The following AFF1 variants were observed in gnomAD, a reference collection of about 807,000 sequenced individuals.
AFF1 encodes ALF transcription elongation factor 1.
In AFF1, 48 loss-of-function variants were observed where a neutral mutation model predicts 121.7. The ratio of observed to expected loss-of-function variants is 0.39; its 90% confidence interval spans 0.31 to 0.50. The LOEUF is 0.50. Among genes scored for constraint, AFF1 ranks in the 20% least tolerant of loss-of-function variants. The pLI is 0.76. For missense variants in AFF1, 1,523 were observed against 1,511.7 expected (o/e 1.01, Z -0.12); for synonymous variants, 613 against 563.0 (o/e 1.09, Z -1.26).
In AFF1 at chr4:87,046,739, G is replaced by C; in HGVS notation, c.204G>C (p.Leu68Phe). ...DELSSRIQNMLGNYEEVKEFL... is the reference protein window; with the variant it reads ...DELSSRIQNMFGNYEEVKEFL... ...TGTCTAGTCGAATACAGAACATGTTGGGAAACTACGAAGAAGTGAAGGAGT... is the reference window on the plus strand; with the variant it reads ...TGTCTAGTCGAATACAGAACATGTTCGGAAACTACGAAGAAGTGAAGGAGT... Residue 68 changes from leucine to phenylalanine, a missense_variant, in exon 4 of 21, where the codon TTG (leucine) becomes TTC (phenylalanine). By Grantham distance (22) the Leu-to-Phe change is conservative. Transcript: ENST00000395146. 6.2e-7 allele frequency: 1 copy of C among 1,613,938 alleles called. No individual in the cohort carries two copies. The highest frequency in any genetic ancestry group is 1.3e-5 in the African/African-American group (1 of 74,940).
chr4:86,980,810 A>C (rs951238697), intron 2 of AFF1, among the ~76,000 whole-genome samples: 4 of 152,194 alleles, frequency 2.6e-5, no homozygotes, highest in African/African-American at 9.7e-5. Flanking sequence ...CTTACTTTGG[A>C]ACTATTAAAT....
chr4:87,028,631 G>A (rs561567933), intron 2 of AFF1, among the ~76,000 whole-genome samples: 1 of 152,250 alleles, frequency 6.6e-6, no homozygotes, highest in East Asian at 1.9e-4. Flanking sequence ...ATTAAGGTAC[G>A]TTTTTCTTCA....
intron 4 of AFF1, among the ~76,000 whole-genome samples, chr4:87,060,727 T>C (rs1331370717): frequency 1.3e-5 from 2 of 150,830 alleles, no homozygotes; most frequent in Non-Finnish European, 3.0e-5. Flanking sequence ...TACTCCCGGC[T>C]TCTGGGGAGG....
intron 6 of AFF1, among the ~76,000 whole-genome samples, chr4:87,091,482 A>G (rs1724304646): frequency 6.6e-6 from 1 of 152,274 alleles, no homozygotes; most frequent in East Asian, 1.9e-4. Flanking sequence ...CTGTAAAAAT[A>G]TCTTTGTGCA....
intron 2 of AFF1, among the ~76,000 whole-genome samples, chr4:87,023,470 A>G (rs1309956333): frequency 6.6e-6 from 1 of 152,204 alleles, no homozygotes; most frequent in Non-Finnish European, 1.5e-5. Flanking sequence ...TAAATTATTC[A>G]TTTATTTGAG....
chr4:87,088,614 T>A (rs79533971), intron 5 of AFF1, among the ~76,000 whole-genome samples: 2 of 152,104 alleles, frequency 1.3e-5, no homozygotes, highest in African/African-American at 2.4e-5. Flanking sequence ...AATTTTTTTT[T>A]TTGTTGTTGA....
At chr4:87,055,990 G>T (rs1720093664) in intron 4 of AFF1, among the ~76,000 whole-genome samples, 1 of 152,020 alleles carries the variant, frequency 6.6e-6, no homozygotes, top group Non-Finnish European at 1.5e-5. Flanking sequence ...CTCTATTGAT[G>T]GTTTTTCCCA....
chr4:87,048,610 G>A (rs1241816507), intron 4 of AFF1, among the ~76,000 whole-genome samples: 2 of 152,200 alleles, frequency 1.3e-5, no homozygotes, highest in Non-Finnish European at 2.9e-5. Flanking sequence ...ATGCCAGAAG[G>A]TGAAATTCCT....
At chr4:87,016,731 A>C (rs780123766) in intron 2 of AFF1, among the ~76,000 whole-genome samples, 3 of 152,118 alleles carry the variant, frequency 2.0e-5, no homozygotes, top group Non-Finnish European at 4.4e-5. Flanking sequence ...CCCGGTCCCC[A>C]GCCCCACCAC....
At chr4:87,097,758 A>G (rs889749563) in intron 8 of AFF1, among the ~76,000 whole-genome samples, 7 of 152,186 alleles carry the variant, frequency 4.6e-5, no homozygotes, top group Non-Finnish European at 1.0e-4. Flanking sequence ...GATAAGTGCC[A>G]GAATGAAATG....
At chr4:87,028,899 T>A (rs1728795438) in intron 2 of AFF1, among the ~76,000 whole-genome samples, 1 of 152,174 alleles carries the variant, frequency 6.6e-6, no homozygotes, top group Non-Finnish European at 1.5e-5. Context: ...AGGCGGATTG[T>A]CCCCAAAGGA....
At chr4:87,065,813 T>C (rs576446612) in intron 4 of AFF1, among the ~76,000 whole-genome samples, 2 of 152,086 alleles carry the variant, frequency 1.3e-5, no homozygotes, top group South Asian at 4.2e-4. Flanking sequence ...CCCCCCCCTT[T>C]CTCTGTGCAA....
intron 1 of AFF1, among the ~76,000 whole-genome samples, chr4:86,945,352 C>G (rs1578820144): frequency 7.8e-6 from 1 of 128,016 alleles, no homozygotes; most frequent in Non-Finnish European, 1.6e-5. Flanking sequence ...TGAGGCAGGG[C>G]CTTGTTTTTT....
chr4:87,091,021 CAAAAA>C (rs72486264), intron 6 of AFF1, among the ~76,000 whole-genome samples: 3 of 64,840 alleles, frequency 4.6e-5, no homozygotes, highest in Non-Finnish European at 8.7e-5. Context: ...TCTCTACCAC[CAAAAA>C]AAAAAAAAAA....
At chr4:86,970,968 G>T (rs566577205) in intron 2 of AFF1, among the ~76,000 whole-genome samples, 1 of 152,206 alleles carries the variant, frequency 6.6e-6, no homozygotes, top group Non-Finnish European at 1.5e-5. Flanking sequence ...CTTGTCGGCC[G>T]TTGGAAAGTT....
chr4:87,028,937 T>TCC (rs780274880), intron 2 of AFF1, among the ~76,000 whole-genome samples: 15 of 152,198 alleles, frequency 9.9e-5, no homozygotes, highest in Non-Finnish European at 2.1e-4. Context: ...TCTGTCATCC[T>TCC]ACACAGGTGG....
intron 6 of AFF1, among the ~76,000 whole-genome samples, chr4:87,090,789 G>A (rs1035803452): frequency 2.6e-5 from 4 of 152,004 alleles, no homozygotes; most frequent in African/African-American, 9.7e-5. Context: ...CGAGGTGGGT[G>A]GATCACTTGA....
intron 2 of AFF1, among the ~76,000 whole-genome samples, chr4:87,000,831 G>A (rs1293451315): frequency 1.3e-5 from 2 of 151,978 alleles, no homozygotes; most frequent in Non-Finnish European, 2.9e-5. Flanking sequence ...TGAGTGAAGA[G>A]GTAAAGTTGA....
intron 1 of AFF1, among the ~76,000 whole-genome samples, chr4:86,938,504 A>G (rs1720216133): frequency 6.7e-6 from 1 of 150,200 alleles, no homozygotes; most frequent in Non-Finnish European, 1.5e-5. Context: ...CCATAAATAT[A>G]CAGAGTTTGA....
Sources: gnomAD v4.1 joint callset for allele counts (sites outside exome capture counted in the v4.1 genomes callset) on GRCh38, gnomAD v4.1.1 for gene constraint, MANE v1.5 for transcripts, NCBI Gene and HGNC (gene_info 2026-07-23, HGNC 2026-07-21) for gene names.